Variants in ARHGAP21 observed in about 807,000 individuals in gnomAD.
ARHGAP21 encodes Rho GTPase activating protein 21, also known as rho GTPase-activating protein 21.
A neutral mutation model predicts 164.6 loss-of-function variants in ARHGAP21; 38 were observed. That is an observed-to-expected ratio of 0.23 (90% CI 0.18 to 0.30). The LOEUF is 0.30. Among genes scored for constraint, ARHGAP21 ranks in the 10% least tolerant of loss-of-function variants. The pLI is 1.00. For synonymous variants in ARHGAP21, 766 were observed against 857.9 expected (o/e 0.89, Z 1.87); for missense variants, 1,822 against 2,370.7 (o/e 0.77, Z 4.81).
At chr10:24,710,336 G>A (rs946940018) in intron 2 of ARHGAP21, among the ~76,000 whole-genome samples, 1 of 152,096 alleles carries the variant, frequency 6.6e-6, no homozygotes, top group African/African-American at 2.4e-5. Context: ...GTTGTTCCCT[G>A]TGCCACAACA....
At chr10:24,597,320 T>C in intron 16 of ARHGAP21, 127 bp downstream of exon 16, 1 of 1,244,188 alleles carries the variant, frequency 8.0e-7, no homozygotes, top group Non-Finnish European at 1.1e-6. Flanking sequence ...AGACCAAGCC[T>C]ACTATGAATT....
At chr10:24,612,146 A>C (rs1194576012) in intron 9 of ARHGAP21, among the ~76,000 whole-genome samples, 6 of 152,218 alleles carry the variant, frequency 3.9e-5, no homozygotes. Flanking sequence ...AAATTATCAG[A>C]ATTTTCAGCA....
intron 2 of ARHGAP21, among the ~76,000 whole-genome samples, chr10:24,687,922 CATCTT>C (rs1350575263): frequency 6.6e-6 from 1 of 152,196 alleles, no homozygotes; most frequent in Non-Finnish European, 1.5e-5. Context: ...ATCAGAAACT[CATCTT>C]ATTAAATGTA....
At chr10:24,602,159 T>C (rs543066440) in intron 12 of ARHGAP21, 56 bp from the exon 13 acceptor site, 2 of 1,558,090 alleles carry the variant, frequency 1.3e-6, no homozygotes, top group Non-Finnish European at 1.7e-6. Context: ...TATAAATATT[T>C]GCACATGGAA....
At chr10:24,705,222 C>T (rs1488269868) in intron 2 of ARHGAP21, among the ~76,000 whole-genome samples, 1 of 152,334 alleles carries the variant, frequency 6.6e-6, no homozygotes, top group African/African-American at 2.4e-5. Flanking sequence ...TAAGTTTCAG[C>T]TTCGTTAGGC....
At chr10:24,677,198 C>T (rs543039717) in intron 2 of ARHGAP21, among the ~76,000 whole-genome samples, 2 of 152,294 alleles carry the variant, frequency 1.3e-5, no homozygotes, top group Non-Finnish European at 1.5e-5. Flanking sequence ...CCTGCCTAAG[C>T]GACAGAGCGA....
chr10:24,588,230 A>G (rs2076185102), intron 25 of ARHGAP21, among the ~76,000 whole-genome samples: 1 of 152,236 alleles, frequency 6.6e-6, no homozygotes, highest in Non-Finnish European at 1.5e-5. Flanking sequence ...CTGTAATTAT[A>G]TAGGAGAATG....
intron 4 of ARHGAP21, among the ~76,000 whole-genome samples, chr10:24,656,063 GC>G (rs1565107913): frequency 1.5e-5 from 2 of 131,500 alleles, no homozygotes; most frequent in Non-Finnish European, 3.2e-5. Flanking sequence ...CCCGGCAGCT[GC>G]CCCGTCTAAG....
At chr10:24,659,624 C>T (rs1230064213) in intron 4 of ARHGAP21, among the ~76,000 whole-genome samples, 1 of 152,208 alleles carries the variant, frequency 6.6e-6, no homozygotes, top group Non-Finnish European at 1.5e-5. Context: ...CCAGAATCCT[C>T]TTTCTTACGT....
chr10:24,648,446 G>T (rs1837805538), intron 4 of ARHGAP21, among the ~76,000 whole-genome samples: 1 of 152,150 alleles, frequency 6.6e-6, no homozygotes. Context: ...TCTCTTTCAA[G>T]CAAAGTTCCA....
intron 2 of ARHGAP21, chr10:24,714,464 C>A (rs1192352335): frequency 1.3e-5 from 2 of 152,148 alleles, no homozygotes; most frequent in Non-Finnish European, 1.5e-5. Context: ...TGGCTCTTAT[C>A]TAGTGATAGG....
chr10:24,718,343 GA>G (rs1438108528), intron 2 of ARHGAP21, among the ~76,000 whole-genome samples: 1 of 152,206 alleles, frequency 6.6e-6, no homozygotes, highest in Non-Finnish European at 1.5e-5. Flanking sequence ...GCAACTGGCT[GA>G]AAAGGTCTAG....
At chr10:24,593,977 A>ACTGTG (rs1422188471) in intron 21 of ARHGAP21, among the ~76,000 whole-genome samples, 1 of 152,058 alleles carries the variant, frequency 6.6e-6, no homozygotes, top group Non-Finnish European at 1.5e-5. Context: ...ATAGAGGTTG[A>ACTGTG]CACTCTTCTC....
intron 9 of ARHGAP21, among the ~76,000 whole-genome samples, chr10:24,615,740 T>A (rs1833875077): frequency 6.6e-6 from 1 of 151,742 alleles, no homozygotes; most frequent in Non-Finnish European, 1.5e-5. Context: ...TGTGGTAGAT[T>A]ATAAAGCACG....
chr10:24,592,109 G>C, intron 21 of ARHGAP21, 97 bp from the exon 22 acceptor site: 88 of 847,534 alleles, frequency 1.0e-4, no homozygotes, highest in East Asian at 2.4e-4. Context: ...AGAATAAACA[G>C]AAAAATAGCT....
intron 19 of ARHGAP21, among the ~76,000 whole-genome samples, chr10:24,595,443 A>AGCC (rs2076539352): frequency 2.0e-5 from 3 of 152,348 alleles, no homozygotes; most frequent in Non-Finnish European, 4.4e-5. Flanking sequence ...CTTGACTGAA[A>AGCC]AAACATTTTT....
intron 4 of ARHGAP21, 78 bp from the exon 5 acceptor site, chr10:24,635,181 G>C: frequency 1.1e-6 from 1 of 905,320 alleles, no homozygotes; most frequent in Non-Finnish European, 1.6e-6. Context: ...TAGTATTTGA[G>C]AGAATTAAGC....
intron 21 of ARHGAP21, among the ~76,000 whole-genome samples, chr10:24,594,243 T>C (rs2130811390): frequency 6.6e-6 from 1 of 152,238 alleles, no homozygotes; most frequent in African/African-American, 2.4e-5. Flanking sequence ...GCAATAATCA[T>C]CAAAAAACTA....
intron 2 of ARHGAP21, among the ~76,000 whole-genome samples, chr10:24,684,118 C>G (rs536304341): frequency 6.6e-6 from 1 of 152,192 alleles, no homozygotes; most frequent in Admixed American, 6.5e-5. Context: ...AAAACACCGT[C>G]TCTACTGAAA....
Sources: allele counts gnomAD v4.1 joint callset (sites outside exome capture counted in the v4.1 genomes callset), GRCh38; gene constraint gnomAD v4.1.1; transcripts MANE v1.5; gene names NCBI Gene and HGNC (gene_info 2026-07-23, HGNC 2026-07-21).